Variants in HDAC5 observed in about 807,000 individuals in gnomAD.
HDAC5 encodes the protein antigen NY-CO-9.
Under a neutral mutation model 133.3 loss-of-function variants are expected in HDAC5, and 25 were observed. The observed-to-expected ratio is 0.19, with a 90% confidence interval of 0.14 to 0.26. The LOEUF is 0.26. Ranked by LOEUF, HDAC5 falls within the 10% of genes least tolerant of loss-of-function variation. The probability of loss-of-function intolerance (pLI) is 1.00; values close to 1 mark genes in which losing one functional copy is unlikely to be tolerated. For missense variants in HDAC5, 1,041 were observed against 1,460.5 expected, an observed-to-expected ratio of 0.71 and a Z score of 4.68; for synonymous variants, 589 against 610.8, an observed-to-expected ratio of 0.96 and a Z score of 0.53.
chr17:44,091,890 G>A, intron 9 of HDAC5, 59 bp from the exon 10 acceptor site: 1 of 1,499,514 alleles, frequency 6.7e-7, no homozygotes, highest in Non-Finnish European at 8.9e-7. Flanking sequence ...CAACAAGGGA[G>A]GGCAACCTGG....
chr17:44,110,878 A>ATGCCAGGG, intron 2 of HDAC5, 78 bp from the exon 3 acceptor site: 1 of 1,282,502 alleles, frequency 7.8e-7, no homozygotes, highest in Non-Finnish European at 1.1e-6. Context: ...CACCAGCAGC[A>ATGCCAGGG]TGCCAGGGAG....
chr17:44,079,792 C>T (rs2050305021), intron 23 of HDAC5, among the ~76,000 whole-genome samples: 1 of 151,976 alleles, frequency 6.6e-6, no homozygotes, highest in Admixed American at 6.6e-5. Context: ...ACAGTCAAAA[C>T]ATTAACAGAC....
intron 11 of HDAC5, among the ~76,000 whole-genome samples, chr17:44,089,534 C>T (rs1164043392): frequency 6.6e-6 from 1 of 152,030 alleles, no homozygotes; most frequent in Non-Finnish European, 1.5e-5. Flanking sequence ...CATCTGAGGT[C>T]AGGAGTTCAA....
At chr17:44,119,313 GA>G (rs922636253) in intron 1 of HDAC5, among the ~76,000 whole-genome samples, 1 of 152,224 alleles carries the variant, frequency 6.6e-6, no homozygotes, top group African/African-American at 2.4e-5. Context: ...CACAGGTTCA[GA>G]AATGCCCACG....
chr17:44,092,839 A>G, intron 6 of HDAC5, 33 bp from the exon 7 acceptor site: 1 of 845,468 alleles, frequency 1.2e-6, no homozygotes, highest in Non-Finnish European at 1.8e-6. Flanking sequence ...ATGGAAGCAG[A>G]TCTAGGTTAT....
intron 13 of HDAC5, among the ~76,000 whole-genome samples, chr17:44,086,955 C>T (rs1333965396): frequency 8.3e-6 from 1 of 120,924 alleles, no homozygotes; most frequent in African/African-American, 3.2e-5. Context: ...CAAAGAGTAG[C>T]ATTGAGGTAA....
chr17:44,086,169 C>T (rs1267934808), intron 14 of HDAC5, among the ~76,000 whole-genome samples: 1 of 152,300 alleles, frequency 6.6e-6, no homozygotes. Flanking sequence ...TGATACAGGG[C>T]CACCCTCAGG....
At position 44,110,701 on chromosome 17, in the gene HDAC5, G is replaced by A. The variant is rs762331993; in HGVS notation, c.94+28C>T. On this transcript the variant is annotated intron_variant, in intron 3 of 26. Coordinates refer to ENST00000682912, the MANE Select transcript of HDAC5 (RefSeq NM_005474.5). ...AGGGACAAGGATGCCAGATGACAGA[G>A]GGCAGGCAGGGACATCAAGGCACTT... The A allele has an allele frequency of 4.1e-5, 65 of 1,588,126 alleles. No individual in the cohort carries two copies. In the Middle Eastern group the frequency reaches 5.0e-4, roughly 12 times the overall value.
At chr17:44,121,287 G>A (rs1192842373) in intron 1 of HDAC5, among the ~76,000 whole-genome samples, 1 of 151,990 alleles carries the variant, frequency 6.6e-6, no homozygotes, top group Admixed American at 6.6e-5. Flanking sequence ...GGGTGAGGTG[G>A]GATAGGGAAG....
chr17:44,078,805 G>A lies in HDAC5; in HGVS notation c.3153C>T (p.Ile1051=), dbSNP rs1165710858. 11 of 1,613,978 alleles carry A rather than the reference G, an allele frequency of 6.8e-6. 1 individual carries two copies. The highest frequency in any genetic ancestry group is 2.2e-5 in the South Asian group (2 of 91,086). The change falls in exon 25 of 27, where the codon ATC becomes ATT. Residue 1051 remains isoleucine, a synonymous_variant. Transcript: ENST00000682912. ...CGTGTCCTCACGCACTCTGGATCTC[G>A]ATGACTTTCTCTAGCGTGGCCACTG... The part of the protein sequence containing the change: ...INAVATLEKV[I]EIQSKHWSCV...
At chr17:44,092,142 C>T (rs751125837) in intron 9 of HDAC5, 30 bp downstream of exon 9, 26 of 1,589,388 alleles carry the variant, frequency 1.6e-5, no homozygotes, top group South Asian at 2.2e-5. Context: ...ACTCTGTCCC[C>T]GCCCCACCAG....
intron 2 of HDAC5, among the ~76,000 whole-genome samples, chr17:44,114,923 G>A (rs768354836): frequency 6.6e-6 from 1 of 152,202 alleles, no homozygotes; most frequent in African/African-American, 2.4e-5. Context: ...GACTGCAAAA[G>A]AGGTAAATAA....
At chr17:44,104,113 G>T (rs1470163920) in intron 3 of HDAC5, among the ~76,000 whole-genome samples, 1 of 148,102 alleles carries the variant, frequency 6.8e-6, no homozygotes, top group Non-Finnish European at 1.5e-5. Flanking sequence ...TTGAGGTCAG[G>T]ATTTCAAGAC....
In HDAC5 at chr17:44,080,810, G is replaced by A; in HGVS notation, c.2680C>T (p.Arg894Cys). The change falls in exon 21 of 27, where the codon CGC becomes TGC. Residue 894 changes from arginine (R) to cysteine (C), a missense_variant. Arg to Cys is a radical substitution (Grantham distance 180, BLOSUM62 -3). Around this residue, in one of 9 missense-constraint regions of HDAC5, gnomAD observed 174 missense variants for 352.7 expected, o/e 0.49. Coordinates refer to ENST00000682912, the MANE Select transcript of HDAC5 (RefSeq NM_005474.5). ...DPSVLYISLH[R>C]YDNGNFFPGS... ...GGAAAGAAGTTCCCGTTGTCATAGC[G>A]ATGCAGAGAGATGTAGAGCACAGAG... The A allele has an allele frequency of 6.2e-7, 1 of 1,614,216 alleles. No individual in the cohort carries two copies. The highest frequency in any genetic ancestry group is 8.5e-7 in the Non-Finnish European group (1 of 1,180,026).
At chr17:44,103,331 A>G (rs150299174) in intron 3 of HDAC5, among the ~76,000 whole-genome samples, 2 of 152,358 alleles carry the variant, frequency 1.3e-5, no homozygotes, top group East Asian at 3.9e-4. Flanking sequence ...CACATAGGCA[A>G]GCTGGGTCTG....
chr17:44,085,887 C>T lies in HDAC5; in HGVS notation c.2050+685G>A, dbSNP rs574183846. Among the ~76,000 whole-genome samples, 7 of 152,270 alleles carry T rather than the reference C, an allele frequency of 4.6e-5. No homozygotes were observed. The East Asian group carries it at 1.4e-3, about 29-fold the overall frequency. The stretch of plus-strand genomic sequence containing the variant: ...AAACTCCTGGGCTCAAGTGATCCTC[C>T]CACCTTGGCCTCCCAAAATGCTGGG... On this transcript the variant is annotated intron_variant, in intron 14 of 26. Transcript: ENST00000682912.
At chr17:44,079,647 AAAAAAAAAAAAAAG>A (rs1218429620) in intron 23 of HDAC5, among the ~76,000 whole-genome samples, 4 of 151,344 alleles carry the variant, frequency 2.6e-5, no homozygotes, top group African/African-American at 9.7e-5. Flanking sequence ...CTCAAAAAAA[AAAAAAAAAAAAAAG>A]AAAGAAAAGG....
intron 3 of HDAC5, 143 bp downstream of exon 3, chr17:44,110,586 C>T (rs2052271451): frequency 6.1e-6 from 4 of 657,978 alleles, no homozygotes; most frequent in East Asian, 5.7e-5. Context: ...GAGCAGGGAT[C>T]CCCCAGCCCT....
Position 44,077,621 on chromosome 17 carries a change from C to T in HDAC5, c.*755G>A, listed in dbSNP as rs1024781274. On this transcript the variant is annotated 3_prime_UTR_variant, in exon 27 of 27. Transcript: ENST00000682912. Reference sequence around the variant, plus strand: ...CCATCCGAGTAAGGTGGGGAGCAGACCTGGTTCTGTTACTCCTCCTGGCCC... The same window carrying T: ...CCATCCGAGTAAGGTGGGGAGCAGATCTGGTTCTGTTACTCCTCCTGGCCC... 2.0e-5 allele frequency: 3 copies of T among 152,306 alleles called. No individual in the cohort carries two copies. Among genetic ancestry groups the T allele is most frequent in the Non-Finnish European group, 4.4e-5 (3 of 68,124 alleles). The allele number at this position is 152,306 out of a possible 1,614,324, so 9.4% of individuals were successfully genotyped here.
Sources: gnomAD v4.1 joint callset for allele counts (sites outside exome capture counted in the v4.1 genomes callset) on GRCh38, gnomAD v4.1.1 for gene constraint, gnomAD v4.1.1 regional missense constraint, MANE v1.5 for transcripts, NCBI Gene and HGNC (gene_info 2026-07-23, HGNC 2026-07-21) for gene names.